Variants in FLT3 observed in about 807,000 individuals in gnomAD.
The protein encoded by FLT3 is fms related receptor tyrosine kinase 3.
In FLT3, 46 loss-of-function variants were observed where a neutral mutation model predicts 126.6. That is an observed-to-expected ratio of 0.36 (90% CI 0.29 to 0.46). The LOEUF (loss-of-function observed/expected upper bound fraction) is 0.46, where lower values mean the gene tolerates loss of function less well. Among genes scored for constraint, FLT3 ranks in the 20% least tolerant of loss-of-function variants. The pLI, the probability that FLT3 is intolerant of heterozygous loss-of-function variation, is 1.00. For synonymous variants in FLT3, 404 were observed against 434.4 expected (o/e 0.93, Z 0.87); for missense variants, 1,069 against 1,190.3 (o/e 0.90, Z 1.50).
intron 20 of FLT3, among the ~76,000 whole-genome samples, chr13:28,016,091 T>A (rs182384571): frequency 1.3e-5 from 2 of 152,108 alleles, no homozygotes; most frequent in Admixed American, 1.3e-4. Flanking sequence ...GGAAATGTCA[T>A]CCACAATAAT....
At chr13:28,008,864 C>T (rs1446097270) in intron 23 of FLT3, among the ~76,000 whole-genome samples, 1 of 152,116 alleles carries the variant, frequency 6.6e-6, no homozygotes, top group African/African-American at 2.4e-5. Context: ...GTGAATGTGG[C>T]ATTCACTAAC....
chr13:28,058,692 C>T (rs8001744), intron 3 of FLT3, among the ~76,000 whole-genome samples: 148,037 of 152,280 alleles, frequency 0.97, 72,084 homozygotes, highest in Non-Finnish European at 1. Flanking sequence ...AAACAAGATC[C>T]CCAGGCAATC....
intron 23 of FLT3, among the ~76,000 whole-genome samples, chr13:28,008,247 T>G (rs1004730297): frequency 7.8e-6 from 1 of 128,494 alleles, no homozygotes; most frequent in Admixed American, 1.0e-4. Context: ...TCCAGGAATT[T>G]GAGGCTGCAA....
At position 28,024,957 on chromosome 13, in the gene FLT3, T is replaced by G; in HGVS notation, c.2208-14A>C. ...GAACCAGGCATGCTATTAAAAAATT[T>G]TGTTTTTTCATTATTTACATTATTC... On this transcript the variant is annotated splice_polypyrimidine_tract_variant and intron_variant, in intron 17 of 23. Transcript: ENST00000241453. 1 of 1,572,064 alleles carries G rather than the reference T, an allele frequency of 6.4e-7. No homozygotes were observed. The highest frequency in any genetic ancestry group is 8.7e-7 in the Non-Finnish European group (1 of 1,150,534).
rs1331868820 is a variant in FLT3 at position 28,089,914 on chromosome 13, T to TA, written c.43+10553_43+10554insT. On this transcript the variant is annotated intron_variant, in intron 1 of 23. Coordinates refer to ENST00000241453, the MANE Select transcript of FLT3 (RefSeq NM_004119.3). ...CATGCCCGGCTAAGTTTTATATATA[T>TA]TTTTTTAGTAGAGATAAGGTTTCAC... Among the ~76,000 whole-genome samples the TA allele has an allele frequency of 1.4e-4, 21 of 151,522 alleles. 1 individual carries two copies. The highest frequency in any genetic ancestry group is 2.1e-4 in the South Asian group (1 of 4,806).
At chr13:28,067,909 G>A in intron 2 of FLT3, 1 of 391,790 alleles carries the variant, frequency 2.6e-6, no homozygotes, top group Non-Finnish European at 5.1e-6. Flanking sequence ...GCTGGCTTGT[G>A]CAGGCCACCT....
chr13:28,098,036 C>T (rs1398513342), intron 1 of FLT3, among the ~76,000 whole-genome samples: 1 of 151,950 alleles, frequency 6.6e-6, no homozygotes, highest in Non-Finnish European at 1.5e-5. Context: ...TGGGCATGGC[C>T]GGGTGTGGTG....
chr13:28,013,759 C>A (rs1871594094), intron 23 of FLT3, among the ~76,000 whole-genome samples: 1 of 152,194 alleles, frequency 6.6e-6, no homozygotes, highest in South Asian at 2.1e-4. Flanking sequence ...CAGGTCAATG[C>A]TCTTTCCAGG....
At chr13:28,077,192 G>C (rs1478496341) in intron 1 of FLT3, among the ~76,000 whole-genome samples, 1 of 152,192 alleles carries the variant, frequency 6.6e-6, no homozygotes, top group Non-Finnish European at 1.5e-5. Context: ...CATAGTGTGT[G>C]TGAGAAGCAT....
intron 1 of FLT3, among the ~76,000 whole-genome samples, chr13:28,098,965 CAGAG>C (rs1480912316): frequency 6.6e-6 from 1 of 152,140 alleles, no homozygotes. Context: ...GGGGTACTGA[CAGAG>C]AGGGTGGAGC....
chr13:28,057,823 T>C (rs1876144358), intron 3 of FLT3, among the ~76,000 whole-genome samples: 1 of 152,146 alleles, frequency 6.6e-6, no homozygotes, highest in Non-Finnish European at 1.5e-5. Flanking sequence ...GCAGATCACC[T>C]GAGGTCAGGA....
At chr13:28,088,014 T>C (rs1878793879) in intron 1 of FLT3, among the ~76,000 whole-genome samples, 2 of 152,238 alleles carry the variant, frequency 1.3e-5, no homozygotes, top group South Asian at 2.1e-4. Flanking sequence ...ATTTTTCTCC[T>C]TAAGTTAAAT....
At chr13:28,085,323 A>T (rs1359470194) in intron 1 of FLT3, among the ~76,000 whole-genome samples, 1 of 130,476 alleles carries the variant, frequency 7.7e-6, no homozygotes. Context: ...CAGCCTGGGC[A>T]ACAGAGCCAG....
At position 28,018,711 on chromosome 13, in the gene FLT3, G is replaced by A. The variant is rs563576940; in HGVS notation, c.2419-122C>T. 23 of 1,027,216 alleles carry A rather than the reference G, an allele frequency of 2.2e-5. 1 individual carries two copies. In the South Asian group the frequency reaches 3.1e-4, roughly 14 times the overall value. 63.6% of individuals were successfully genotyped at this position (1,027,216 alleles called of 1,614,324 possible). A position where few individuals can be genotyped will look rare whatever the true frequency, so the allele number is the denominator to read the frequency against. On this transcript the variant is annotated intron_variant, in intron 19 of 23. Coordinates refer to ENST00000241453, the MANE Select transcript of FLT3 (RefSeq NM_004119.3). ...GATGGAAGGCCTCTTATCTTTACTG[G>A]GCTGTGCCGTGAGCGGCCATGATGA...
At chr13:28,071,299 T>C (rs56401390) in intron 1 of FLT3, among the ~76,000 whole-genome samples, 26,823 of 151,802 alleles carry the variant, frequency 0.18, 2,440 homozygotes, top group Middle Eastern at 0.26. Context: ...TGTAAGCCAC[T>C]GTGCCCGGCC....
At chr13:28,006,155 T>C (rs1870867932) in intron 23 of FLT3, among the ~76,000 whole-genome samples, 2 of 152,242 alleles carry the variant, frequency 1.3e-5, no homozygotes, top group Admixed American at 1.3e-4. Flanking sequence ...AAGAACTTTA[T>C]GATTTAGGAA....
intron 9 of FLT3, among the ~76,000 whole-genome samples, chr13:28,039,434 C>A (rs1874147757): frequency 6.6e-6 from 1 of 151,996 alleles, no homozygotes; most frequent in Non-Finnish European, 1.5e-5. Flanking sequence ...ATCTCTTGAC[C>A]TAGTGATCCA....
chr13:28,030,597 C>T (rs2491219), intron 15 of FLT3, among the ~76,000 whole-genome samples: 70,466 of 151,910 alleles, frequency 0.46, 18,121 homozygotes, highest in East Asian at 0.68. Context: ...CGTGGGTCCC[C>T]GCGCCTCTAA....
chr13:28,040,436 A>G (rs1874244110), intron 9 of FLT3, among the ~76,000 whole-genome samples: 1 of 152,028 alleles, frequency 6.6e-6, no homozygotes, highest in Non-Finnish European at 1.5e-5. Flanking sequence ...AAGACTCAAA[A>G]CACACCTGTA....
Sources: allele counts gnomAD v4.1 joint callset (sites outside exome capture counted in the v4.1 genomes callset), GRCh38; gene constraint gnomAD v4.1.1; transcripts MANE v1.5; gene names NCBI Gene and HGNC (gene_info 2026-07-23, HGNC 2026-07-21).